Variants in DIPK1C observed in about 807,000 individuals in gnomAD.
The protein encoded by DIPK1C is familial non-conventional Alzheimer's dementia.
A neutral mutation model predicts 28.0 loss-of-function variants in DIPK1C; 33 were observed. The ratio of observed to expected loss-of-function variants is 1.18; its 90% CI spans 0.89 to 1.58. DIPK1C has a LOEUF of 1.58. Among genes scored for constraint, DIPK1C ranks in the 40% most tolerant of loss-of-function variants. DIPK1C has a pLI of 0.00. For synonymous variants in DIPK1C, 255 were observed against 248.8 expected, an observed-to-expected ratio of 1.02 and a Z score of -0.23; for missense variants, 569 against 568.5, an observed-to-expected ratio of 1.00 and a Z score of -0.01.
At chr18:74,459,366 A>G (rs1193758753), upstream of DIPK1C, among the ~76,000 whole-genome samples, 2 of 152,242 alleles carry the variant, frequency 1.3e-5, no homozygotes, top group African/African-American at 4.8e-5. Context: ...GGCATTTTAT[A>G]AAGTATTCAG....
At chr18:74,460,388 C>T (rs756162278), upstream of DIPK1C, among the ~76,000 whole-genome samples, 6 of 152,138 alleles carry the variant, frequency 3.9e-5, no homozygotes, top group Non-Finnish European at 7.3e-5. Flanking sequence ...TAAAGCATAC[C>T]ATATCCTTAA....
intron 1 of DIPK1C, among the ~76,000 whole-genome samples, chr18:74,451,963 C>A (rs946168217): frequency 6.6e-6 from 1 of 152,334 alleles, no homozygotes; most frequent in East Asian, 1.9e-4. Flanking sequence ...CTTAGCCCAG[C>A]CTACCTTAAA....
intron 1 of DIPK1C, 40 bp downstream of exon 1, chr18:74,457,022 C>T (rs1290127190): frequency 7.2e-7 from 1 of 1,383,762 alleles, no homozygotes; most frequent in Non-Finnish European, 9.3e-7. Context: ...TCCCCCCTCC[C>T]CGGACGCGCG....
chr18:74,446,270 G>T (rs1986257818), intron 2 of DIPK1C, among the ~76,000 whole-genome samples: 1 of 152,178 alleles, frequency 6.6e-6, no homozygotes, highest in African/African-American at 2.4e-5. Context: ...TTCCGCACAA[G>T]TTAAACAGGC....
chr18:74,457,267 C>G lies in DIPK1C; in HGVS notation c.-8G>C, dbSNP rs1286391091. ...GCCCGCCGCCCGCGCCATGGCCAGC[C>G]CTGCCCGCGCCCGGGCCCCACCGCC... is the stretch of plus-strand genomic sequence containing the variant. On this transcript the variant is annotated 5_prime_UTR_variant, in exon 1 of 4. Transcript: ENST00000343998. The G allele has an allele frequency of 1.0e-6, 1 of 989,406 alleles. No homozygotes were observed. Among genetic ancestry groups the G allele is most frequent in the Non-Finnish European group, 1.2e-6 (1 of 833,894 alleles). The allele number at this position is 989,406 out of a possible 1,614,324, so 61.3% of individuals were successfully genotyped here.
At chr18:74,461,344 T>TTTCCTTCCTTCCTTCCTTCCTTCC (rs35281614), upstream of DIPK1C, among the ~76,000 whole-genome samples, 62 of 118,480 alleles carry the variant, frequency 5.2e-4, 1 homozygote, top group African/African-American at 1.9e-3. Context: ...TCCTTCCTTC[T>TTTCCTTCCTTCCTTCCTTCCTTCC]TTCCTTCCTT....
intron 1 of DIPK1C, among the ~76,000 whole-genome samples, chr18:74,455,189 G>A (rs190354795): frequency 3.3e-5 from 5 of 152,272 alleles, no homozygotes; most frequent in Admixed American, 1.3e-4. Context: ...GACCTGGAAT[G>A]CTGGGAAAGT....
chr18:74,436,679 G>A lies in DIPK1C; in HGVS notation c.1082C>T (p.Pro361Leu). The change falls in exon 4 of 4, where the codon CCT becomes CTT. Residue 361 changes from proline (P) to leucine (L), a missense_variant. Physicochemically the swap from Pro to Leu is moderately conservative, Grantham distance 98. Transcript: ENST00000343998. ...DKIFRHWFSA[P>L]LKSSAVSFQL... ...GAAAGAGACCGCAGAGCTCTTGAGA[G>A]GCGCGGAAAACCAATGGCGAAATAT... 6.2e-7 allele frequency: 1 copy of A among 1,613,910 alleles called. No individual in the cohort carries two copies.
Position 74,436,460 on chromosome 18 carries a change from G to A in DIPK1C, c.*41C>T, listed in dbSNP as rs201031120. On this transcript the variant is annotated 3_prime_UTR_variant, in exon 4 of 4. Coordinates refer to ENST00000343998, the MANE Select transcript of DIPK1C (RefSeq NM_001044369.3). The stretch of plus-strand genomic sequence containing the variant: ...CAATGGCAGAAGAAATCCAGCCAAG[G>A]TCACTTTTCCTGTGTGAGCATGTTT... 221 of 1,517,870 alleles carry A rather than the reference G, an allele frequency of 1.5e-4. 1 individual carries two copies. In the African/African-American group the frequency reaches 2.7e-3, roughly 19 times the overall value. 94.0% of individuals were successfully genotyped at this position (1,517,870 alleles called of 1,614,324 possible).
chr18:74,449,757 A>G (rs1035710544), intron 1 of DIPK1C, among the ~76,000 whole-genome samples: 3 of 152,164 alleles, frequency 2.0e-5, no homozygotes, highest in Non-Finnish European at 4.4e-5. Context: ...GGAAACCCAC[A>G]TCCTTTAGGA....
chr18:74,451,967 C>A (rs1332823094), intron 1 of DIPK1C, among the ~76,000 whole-genome samples: 3 of 152,216 alleles, frequency 2.0e-5, no homozygotes, highest in African/African-American at 7.2e-5. Context: ...GCCCAGCCTA[C>A]CTTAAACATG....
chr18:74,442,155 G>T (rs781528363), intron 2 of DIPK1C, 39 bp from the exon 3 acceptor site: 1 of 1,610,798 alleles, frequency 6.2e-7, no homozygotes, highest in Non-Finnish European at 8.5e-7. Flanking sequence ...AAGGGCTACT[G>T]GTGGGCTCTG....
At chr18:74,460,471 T>G (rs1229630053), upstream of DIPK1C, among the ~76,000 whole-genome samples, 4 of 152,234 alleles carry the variant, frequency 2.6e-5, no homozygotes, top group African/African-American at 7.2e-5. Flanking sequence ...GGTAGAAGGA[T>G]TGCAGGTGAT....
chr18:74,458,184 G>C (rs544017203), upstream of DIPK1C, among the ~76,000 whole-genome samples: 224 of 152,202 alleles, frequency 1.5e-3, no homozygotes, highest in African/African-American at 4.4e-3. Context: ...CTCCCTGAAC[G>C]CCTTTCCCCA....
upstream of DIPK1C, among the ~76,000 whole-genome samples, chr18:74,460,875 G>A (rs1011647926): frequency 2.0e-5 from 3 of 152,348 alleles, no homozygotes; most frequent in East Asian, 5.8e-4. Context: ...AGTGGGCTCA[G>A]CCCTCCTTGG....
upstream of DIPK1C, among the ~76,000 whole-genome samples, chr18:74,460,452 T>TTATC (rs1986599321): frequency 6.6e-6 from 1 of 152,286 alleles, no homozygotes; most frequent in African/African-American, 2.4e-5. Flanking sequence ...GTTGCTAGTG[T>TTATC]TATCTCCAGG....
At position 74,448,466 on chromosome 18, in the gene DIPK1C, C is replaced by T. The variant is rs558609306; in HGVS notation, c.199-1183G>A. 1.6e-4 allele frequency among the ~76,000 whole-genome samples: 25 copies of T among 152,284 alleles called. No homozygotes were observed. In the South Asian group the frequency reaches 4.8e-3, roughly 29 times the overall value. ...AAGGCTCAACAGTAGCAAAGGGCAGCTTGGTGCTGGGACAAAGGATGGGGC... is the reference window on the plus strand; with the variant it reads ...AAGGCTCAACAGTAGCAAAGGGCAGTTTGGTGCTGGGACAAAGGATGGGGC... On this transcript the variant is annotated intron_variant, in intron 1 of 3. Coordinates refer to ENST00000343998, the MANE Select transcript of DIPK1C (RefSeq NM_001044369.3).
intron 3 of DIPK1C, among the ~76,000 whole-genome samples, chr18:74,439,945 T>G (rs1385497996): frequency 2.3e-5 from 1 of 42,650 alleles, no homozygotes; most frequent in Non-Finnish European, 4.3e-5. Context: ...GATCGTATAC[T>G]TTTTTTTTTT....
chr18:74,463,456 C>T, the DIPK1C span, among the ~76,000 whole-genome samples: 5 of 152,232 alleles, frequency 3.3e-5, no homozygotes, highest in Admixed American at 1.3e-4. Context: ...AATTCCTAAC[C>T]GTTTTTTGGC....
Sources: gnomAD v4.1 joint callset for allele counts (sites outside exome capture counted in the v4.1 genomes callset) on GRCh38, gnomAD v4.1.1 for gene constraint, MANE v1.5 for transcripts, NCBI Gene and HGNC (gene_info 2026-07-23, HGNC 2026-07-21) for gene names.